RFX3: variants seen among roughly 807,000 people sequenced by gnomAD.
RFX3 encodes the protein regulatory factor X3.
In RFX3, 14 loss-of-function variants were observed where a neutral mutation model predicts 98.6. The ratio of observed to expected loss-of-function variants is 0.14; its 90% CI spans 0.09 to 0.22. The LOEUF (loss-of-function observed/expected upper bound fraction) is 0.22. RFX3 is among the 10% of genes least tolerant of loss of function. The pLI, the probability that RFX3 is intolerant of heterozygous loss-of-function variation, is 1.00. For synonymous variants in RFX3, 383 were observed against 328.4 expected, an observed-to-expected ratio of 1.17 and a Z score of -1.80; for missense variants, 639 against 926.9, an observed-to-expected ratio of 0.69 and a Z score of 4.03.
intron 2 of RFX3, among the ~76,000 whole-genome samples, chr9:3,373,029 A>G (rs1238751832): frequency 3.3e-5 from 5 of 152,166 alleles, no homozygotes; most frequent in Non-Finnish European, 7.4e-5. Flanking sequence ...TAATATCAAA[A>G]CAGGTATTTA....
intron 1 of RFX3, among the ~76,000 whole-genome samples, chr9:3,398,127 CCAAA>C (rs1441283876): frequency 2.6e-5 from 4 of 151,980 alleles, no homozygotes; most frequent in Non-Finnish European, 5.9e-5. Flanking sequence ...GTACTGATCT[CCAAA>C]CACACACACA....
At chr9:3,507,775 T>G (rs1276828983) in intron 1 of RFX3, among the ~76,000 whole-genome samples, 1 of 152,042 alleles carries the variant, frequency 6.6e-6, no homozygotes, top group East Asian at 1.9e-4. Flanking sequence ...GTTGTTATAC[T>G]GTATTTACTT....
intron 2 of RFX3, among the ~76,000 whole-genome samples, chr9:3,376,111 A>C (rs973584485): frequency 1.3e-5 from 2 of 152,216 alleles, no homozygotes; most frequent in Non-Finnish European, 2.9e-5. Context: ...CATCAGAGAA[A>C]TACGGATTAA....
intron 1 of RFX3, among the ~76,000 whole-genome samples, chr9:3,507,706 T>C (rs925924655): frequency 6.6e-6 from 1 of 152,020 alleles, no homozygotes; most frequent in Admixed American, 6.6e-5. Flanking sequence ...CTCCCGTGTA[T>C]ACTTTAAATC....
chr9:3,266,481 T>C (rs2131276572), intron 11 of RFX3, among the ~76,000 whole-genome samples, 176 bp from the exon 12 acceptor site: 1 of 152,180 alleles, frequency 6.6e-6, no homozygotes, highest in East Asian at 1.9e-4. Flanking sequence ...ATCCAAGAAT[T>C]ATATTTTGGG....
At position 3,248,191 on chromosome 9, in the gene RFX3, C is replaced by T; in HGVS notation, c.1815-6G>A. The T allele has an allele frequency of 6.3e-7, 1 of 1,587,696 alleles. No individual in the cohort carries two copies. Among genetic ancestry groups the T allele is most frequent in the East Asian group, 2.3e-5 (1 of 44,358 alleles). ...AGTCCCGAATAACCATTGAGCTGTT[C>T]CAAGAGAAAAGACAAATATGCAGCT... On this transcript the variant is annotated splice_region_variant and splice_polypyrimidine_tract_variant and intron_variant, in intron 14 of 16. Coordinates refer to ENST00000617270, the MANE Select transcript of RFX3 (RefSeq NM_001282116.2).
At chr9:3,486,308 T>C (rs1457601611) in intron 1 of RFX3, among the ~76,000 whole-genome samples, 1 of 152,100 alleles carries the variant, frequency 6.6e-6, no homozygotes, top group Non-Finnish European at 1.5e-5. Flanking sequence ...AAATCACCCT[T>C]TCTAAAAGCT....
intron 1 of RFX3, among the ~76,000 whole-genome samples, chr9:3,433,127 ATT>A (rs1844800990): frequency 6.6e-6 from 1 of 152,026 alleles, no homozygotes; most frequent in African/African-American, 2.4e-5. Context: ...ATAATACTGT[ATT>A]TTTATCTGCA....
At chr9:3,294,443 G>A (rs1586918360) in intron 5 of RFX3, among the ~76,000 whole-genome samples, 1 of 152,114 alleles carries the variant, frequency 6.6e-6, no homozygotes, top group East Asian at 1.9e-4. Flanking sequence ...AATGTGCCAG[G>A]CATCTAGTGA....
At position 3,222,661 on chromosome 9, in the gene RFX3, G is replaced by T. The variant is rs1322346167; in HGVS notation, c.*2381C>A. On this transcript the variant is annotated 3_prime_UTR_variant, in exon 17 of 17. Coordinates refer to ENST00000617270, the MANE Select transcript of RFX3 (RefSeq NM_001282116.2). Reference sequence around the variant, plus strand: ...AATGAAGAGTGTTTTTTCAATTTTTGATTTTAATTTTACCTGTAAACACTT... The same window carrying T: ...AATGAAGAGTGTTTTTTCAATTTTTTATTTTAATTTTACCTGTAAACACTT... 1.3e-5 allele frequency: 2 copies of T among 152,018 alleles called. No homozygotes were observed. The highest frequency in any genetic ancestry group is 2.9e-5 in the Non-Finnish European group (2 of 67,964). 9.4% of individuals were successfully genotyped at this position (152,018 alleles called of 1,614,324 possible). A position where few individuals can be genotyped will look rare whatever the true frequency, so the allele number is the denominator to read the frequency against.
chr9:3,335,102 G>C (rs1374815113), intron 3 of RFX3, among the ~76,000 whole-genome samples: 2 of 151,860 alleles, frequency 1.3e-5, no homozygotes, highest in African/African-American at 2.4e-5. Flanking sequence ...CTGGGCAACA[G>C]AGCGAAACTC....
chr9:3,398,762 G>C (rs1004007563), intron 1 of RFX3, among the ~76,000 whole-genome samples: 1 of 151,408 alleles, frequency 6.6e-6, no homozygotes, highest in African/African-American at 2.4e-5. Flanking sequence ...ACTTTTTTTG[G>C]TCTATGACCC....
chr9:3,477,345 C>CCA, intron 1 of RFX3, among the ~76,000 whole-genome samples: 1 of 152,256 alleles, frequency 6.6e-6, no homozygotes, highest in South Asian at 2.1e-4. Context: ...TCATTTCAAC[C>CCA]TGAAAGACTC....
At position 3,247,461 on chromosome 9, in the gene RFX3, G is replaced by C. The variant is rs940980582; in HGVS notation, c.1968+571C>G. ...GCCTTAGCTTTCTGCATAAACCTCGGATGCTTATTGTAAAACAGAATAAAG... is the reference window on the plus strand; with the variant it reads ...GCCTTAGCTTTCTGCATAAACCTCGCATGCTTATTGTAAAACAGAATAAAG... On this transcript the variant is annotated intron_variant, in intron 15 of 16. Coordinates refer to ENST00000617270, the MANE Select transcript of RFX3 (RefSeq NM_001282116.2). The C allele has an allele frequency of 1.1e-5, 7 of 662,948 alleles. No individual in the cohort carries two copies. The African/African-American group carries it at 1.4e-4, about 13-fold the overall frequency. 41.1% of individuals were successfully genotyped at this position (662,948 alleles called of 1,614,324 possible).
At chr9:3,389,400 T>A (rs538714524) in intron 2 of RFX3, among the ~76,000 whole-genome samples, 6 of 152,136 alleles carry the variant, frequency 3.9e-5, no homozygotes, top group Non-Finnish European at 7.4e-5. Context: ...TTTATAAAGA[T>A]GATAGGATGG....
At chr9:3,233,037 T>C (rs1366494700) in intron 15 of RFX3, among the ~76,000 whole-genome samples, 2 of 152,118 alleles carry the variant, frequency 1.3e-5, no homozygotes, top group African/African-American at 4.8e-5. Context: ...AGAAAGCATG[T>C]CTATTGTTTG....
chr9:3,379,717 T>C (rs1244473386), intron 2 of RFX3, among the ~76,000 whole-genome samples: 1 of 152,118 alleles, frequency 6.6e-6, no homozygotes, highest in Non-Finnish European at 1.5e-5. Context: ...TACCACACTT[T>C]GAGAAACACT....
intron 3 of RFX3, 45 bp from the exon 4 acceptor site, chr9:3,330,562 C>T (rs774564418): frequency 8.5e-6 from 13 of 1,531,630 alleles, no homozygotes; most frequent in South Asian, 6.1e-5. Context: ...TTATTTATGT[C>T]ATCTTATTAA....
At chr9:3,505,443 A>ATAAATATAAAATAAAATACTTTAT (rs1319799225) in intron 1 of RFX3, among the ~76,000 whole-genome samples, 1,745 of 6,916 alleles carry the variant, frequency 0.25, 369 homozygotes, top group South Asian at 0.36. Context: ...AATATTTTAT[A>ATAAATATAAAATAAAATACTTTAT]TTTATATAAA....
Sources: gnomAD v4.1 joint callset for allele counts (sites outside exome capture counted in the v4.1 genomes callset) on GRCh38, gnomAD v4.1.1 for gene constraint, MANE v1.5 for transcripts, NCBI Gene and HGNC (gene_info 2026-07-23, HGNC 2026-07-21) for gene names.